Variants in MARCHF1 observed in about 807,000 individuals in gnomAD.
The protein encoded by MARCHF1 is membrane associated ring-CH-type finger 1.
MARCHF1 carries 40 observed loss-of-function variants against 54.2 expected under a neutral mutation model. The observed-to-expected ratio is 0.74, with a 90% CI of 0.57 to 0.96. MARCHF1 has a LOEUF of 0.96. MARCHF1 is among the 40% of genes least tolerant of loss of function. The pLI, the probability that MARCHF1 is intolerant of heterozygous loss-of-function variation, is 0.00. For missense variants in MARCHF1, 586 were observed against 656.5 expected (o/e 0.89, Z 1.17); for synonymous variants, 236 against 236.3 (o/e 1.00, Z 0.01).
intron 4 of MARCHF1, among the ~76,000 whole-genome samples, chr4:163,785,267 G>C (rs1747584290): frequency 1.3e-5 from 2 of 152,020 alleles, no homozygotes; most frequent in South Asian, 4.2e-4. Context: ...AAATTGCATT[G>C]GTCCTCCAAT....
intron 1 of MARCHF1, among the ~76,000 whole-genome samples, chr4:164,219,228 T>C (rs866973601): frequency 2.0e-5 from 3 of 151,572 alleles, no homozygotes; most frequent in Non-Finnish European, 2.9e-5. Context: ...AAATTAAATA[T>C]TTATATAGTT....
chr4:163,729,458 T>C (rs1745765002), intron 4 of MARCHF1, among the ~76,000 whole-genome samples: 2 of 152,116 alleles, frequency 1.3e-5, no homozygotes. Flanking sequence ...ATTTATCTAA[T>C]AGATATAAGC....
At chr4:164,157,418 G>A (rs1371563446) in intron 1 of MARCHF1, among the ~76,000 whole-genome samples, 1 of 152,078 alleles carries the variant, frequency 6.6e-6, no homozygotes, top group Non-Finnish European at 1.5e-5. Flanking sequence ...AATGCATATT[G>A]CTCTGTGTTC....
At position 163,527,129 on chromosome 4, in the gene MARCHF1, C is replaced by A. The variant is rs543628006; in HGVS notation, c.*1619G>T. ...ATGACAGCTAACAAAAATAAGTCACCTTTTTTAATGTAGGACATCTTTCTT... is the reference window on the plus strand; with the variant it reads ...ATGACAGCTAACAAAAATAAGTCACATTTTTTAATGTAGGACATCTTTCTT... On this transcript the variant is annotated 3_prime_UTR_variant, in exon 10 of 10. Coordinates refer to ENST00000514618, the MANE Select transcript of MARCHF1 (RefSeq NM_001394959.1). 4.6e-5 allele frequency: 7 copies of A among 151,872 alleles called. No homozygotes were observed. Among genetic ancestry groups the A allele is most frequent in the Admixed American group, 4.6e-4 (7 of 15,202 alleles). 9.4% of individuals were successfully genotyped at this position (151,872 alleles called of 1,614,324 possible).
chr4:164,065,587 AC>A (rs1290116393), intron 2 of MARCHF1, among the ~76,000 whole-genome samples: 2 of 152,354 alleles, frequency 1.3e-5, no homozygotes, highest in African/African-American at 4.8e-5. Context: ...ATATATATAT[AC>A]ATGAAAAGGA....
At chr4:164,263,475 C>G (rs761257653) in intron 1 of MARCHF1, among the ~76,000 whole-genome samples, 3 of 152,078 alleles carry the variant, frequency 2.0e-5, no homozygotes, top group Non-Finnish European at 4.4e-5. Context: ...TAGCACATTA[C>G]AGCCTTGAAC....
intron 1 of MARCHF1, among the ~76,000 whole-genome samples, chr4:164,226,641 A>G (rs1379464061): frequency 2.6e-5 from 4 of 151,996 alleles, no homozygotes; most frequent in African/African-American, 7.2e-5. Flanking sequence ...ATGTTTATGC[A>G]TAAATATTTG....
At chr4:164,080,988 C>T (rs1326626489) in intron 2 of MARCHF1, among the ~76,000 whole-genome samples, 5 of 150,478 alleles carry the variant, frequency 3.3e-5, no homozygotes, top group African/African-American at 1.2e-4. Context: ...GCGGGTGGAT[C>T]ATGAGGTCAG....
chr4:164,080,805 C>A (rs946498016), intron 2 of MARCHF1, among the ~76,000 whole-genome samples: 49 of 152,038 alleles, frequency 3.2e-4, no homozygotes, highest in African/African-American at 1.2e-3. Flanking sequence ...ATATAAAATT[C>A]TCAAGTTACT....
chr4:164,088,683 G>T (rs1755239708), intron 2 of MARCHF1, among the ~76,000 whole-genome samples: 1 of 152,156 alleles, frequency 6.6e-6, no homozygotes, highest in African/African-American at 2.4e-5. Flanking sequence ...AAGCTGGAGT[G>T]AGCCCAGATC....
At chr4:163,682,842 TG>T (rs1419661672) in intron 5 of MARCHF1, among the ~76,000 whole-genome samples, 1 of 152,168 alleles carries the variant, frequency 6.6e-6, no homozygotes, top group African/African-American at 2.4e-5. Context: ...TCCCAAGCCA[TG>T]CTAAACTGTG....
intron 3 of MARCHF1, among the ~76,000 whole-genome samples, chr4:163,900,758 C>T (rs1750922520): frequency 6.6e-6 from 1 of 152,014 alleles, no homozygotes; most frequent in Non-Finnish European, 1.5e-5. Context: ...AGGAATCTTT[C>T]TTGTGCTTGG....
intron 1 of MARCHF1, among the ~76,000 whole-genome samples, chr4:164,326,891 T>A (rs1299340369): frequency 6.6e-6 from 1 of 151,998 alleles, no homozygotes; most frequent in Admixed American, 6.6e-5. Flanking sequence ...TCATTATGCC[T>A]CACTTTTCTT....
intron 1 of MARCHF1, among the ~76,000 whole-genome samples, chr4:164,252,217 A>G (rs926323361): frequency 6.6e-6 from 1 of 152,212 alleles, no homozygotes; most frequent in African/African-American, 2.4e-5. Flanking sequence ...TATTTGGCTT[A>G]TTTAAAAAAT....
At chr4:164,329,607 C>A (rs1184917369) in intron 1 of MARCHF1, among the ~76,000 whole-genome samples, 1 of 152,120 alleles carries the variant, frequency 6.6e-6, no homozygotes, top group East Asian at 1.9e-4. Flanking sequence ...AATTGGCTCA[C>A]AGTTTTACAA....
chr4:163,990,541 T>C (rs1464392524), intron 2 of MARCHF1, among the ~76,000 whole-genome samples: 1 of 152,176 alleles, frequency 6.6e-6, no homozygotes, highest in Non-Finnish European at 1.5e-5. Context: ...TACTTAAGCT[T>C]ACAGAATGTA....
chr4:163,594,826 G>A (rs1740710732), intron 7 of MARCHF1, among the ~76,000 whole-genome samples: 4 of 151,852 alleles, frequency 2.6e-5, no homozygotes. Context: ...AGGATGTGAA[G>A]AAGTTGGAGC....
intron 3 of MARCHF1, among the ~76,000 whole-genome samples, chr4:163,878,457 G>A (rs1750341407): frequency 6.6e-6 from 1 of 152,202 alleles, no homozygotes; most frequent in South Asian, 2.1e-4. Flanking sequence ...TGGAAGAAGT[G>A]CAGCATCTTG....
At chr4:163,723,827 G>C (rs575495364) in intron 4 of MARCHF1, among the ~76,000 whole-genome samples, 51 of 152,316 alleles carry the variant, frequency 3.3e-4, no homozygotes, top group African/African-American at 1.2e-3. Flanking sequence ...GGCTACTGAA[G>C]CTTGTGCATT....
Sources: allele counts gnomAD v4.1 joint callset (sites outside exome capture counted in the v4.1 genomes callset), GRCh38; gene constraint gnomAD v4.1.1; transcripts MANE v1.5; gene names NCBI Gene and HGNC (gene_info 2026-07-23, HGNC 2026-07-21).